Variants in BRD2 observed in about 807,000 individuals in gnomAD.
BRD2 encodes the protein bromodomain-containing protein 2.
BRD2 carries 15 observed loss-of-function variants against 79.1 expected under a neutral mutation model. That is an observed-to-expected ratio of 0.19 (90% CI 0.13 to 0.29). BRD2 has a LOEUF of 0.29. BRD2 is among the 10% of genes least tolerant of loss of function. The pLI, the probability that BRD2 is intolerant of heterozygous loss-of-function variation, is 1.00. For synonymous variants in BRD2, 488 were observed against 358.6 expected, an observed-to-expected ratio of 1.36 and a Z score of -4.08; for missense variants, 1,053 against 991.3, an observed-to-expected ratio of 1.06 and a Z score of -0.84.
Position 32,971,920 on chromosome 6 carries a change from G to A in BRD2, c.-979G>A, listed in dbSNP as rs1279599168. ...CAGCTCAGCCAATTGGCTTGGAGAT[G>A]TGGCGGGTTGCCACTTCCCTGTGGG... On this transcript the variant is annotated 5_prime_UTR_variant, in exon 2 of 13. In the 5' UTR this introduces an upstream ATG that the reference lacks. Coordinates refer to ENST00000374825, the MANE Select transcript of BRD2 (RefSeq NM_005104.4). 1.1e-5 allele frequency: 8 copies of A among 702,102 alleles called. No individual in the cohort carries two copies. Among genetic ancestry groups the A allele is most frequent in the Non-Finnish European group, 1.8e-5 (7 of 384,388 alleles). 43.5% of individuals were successfully genotyped at this position (702,102 alleles called of 1,614,324 possible).
intron 2 of BRD2, 42 bp downstream of exon 2, chr6:32,972,969 G>A (rs1300581096): frequency 1.9e-6 from 3 of 1,614,032 alleles, no homozygotes; most frequent in South Asian, 1.1e-5. Context: ...GATGTTGCAG[G>A]GCGGCGGCAC....
rs201642612 is a variant in BRD2 at position 32,972,895 on chromosome 6, C to G, written c.-4C>G. On this transcript the variant is annotated 5_prime_UTR_variant, in exon 2 of 13. Transcript: ENST00000374825. ...GAGGGCAGCGCCGGTTCCTTGCGGTCAAGATGCTGCAAAACGTGACTCCCC... is the reference window on the plus strand; with the variant it reads ...GAGGGCAGCGCCGGTTCCTTGCGGTGAAGATGCTGCAAAACGTGACTCCCC... 25 of 1,613,916 alleles carry G rather than the reference C, an allele frequency of 1.5e-5. No individual in the cohort carries two copies. The highest frequency in any genetic ancestry group is 2.0e-5 in the Non-Finnish European group (24 of 1,179,976).
chr6:32,971,004 CG>C (rs1159106593), intron 1 of BRD2: 14 of 76,720 alleles, frequency 1.8e-4, no homozygotes, highest in African/African-American at 6.1e-4. Context: ...GGTGGGGGGG[CG>C]GGGGGGTTCT....
chr6:32,973,969 C>G (rs1778375744), intron 2 of BRD2, among the ~76,000 whole-genome samples: 2 of 152,250 alleles, frequency 1.3e-5, no homozygotes, highest in African/African-American at 4.8e-5. Flanking sequence ...TCTCTTCTAT[C>G]TAGGTGGATT....
intron 11 of BRD2, 70 bp from the exon 12 acceptor site, chr6:32,980,272 G>C: frequency 1.3e-6 from 2 of 1,589,908 alleles, no homozygotes; most frequent in East Asian, 2.2e-5. Context: ...AGGGAACTTG[G>C]GAACCTTAGG....
At position 32,972,581 on chromosome 6, in the gene BRD2, G is replaced by C. The variant is rs1020398895; in HGVS notation, c.-318G>C. ...GGGAATCCCTGCAGACCAACAGCGG[G>C]CTATATTGACGACGGTGTCTGAGAT... On this transcript the variant is annotated 5_prime_UTR_variant, in exon 2 of 13. Coordinates refer to ENST00000374825, the MANE Select transcript of BRD2 (RefSeq NM_005104.4). The C allele has an allele frequency of 3.8e-6, 2 of 525,556 alleles. No homozygotes were observed. Among genetic ancestry groups the C allele is most frequent in the Non-Finnish European group, 6.8e-6 (2 of 294,258 alleles). 32.6% of individuals were successfully genotyped at this position (525,556 alleles called of 1,614,324 possible). A position where few individuals can be genotyped will look rare whatever the true frequency, so the allele number is the denominator to read the frequency against.
At position 32,971,491 on chromosome 6, in the gene BRD2, C is replaced by T. The variant is rs375220662; in HGVS notation, c.-1304-104C>T. On this transcript the variant is annotated intron_variant, in intron 1 of 12. Coordinates refer to ENST00000374825, the MANE Select transcript of BRD2 (RefSeq NM_005104.4). ...GGCAACACTGTTTTAGACTGTGGGG[C>T]ATGGGAACGTTAGATCCCCTCATCG... is the stretch of plus-strand genomic sequence containing the variant. The T allele has an allele frequency of 1.4e-4, 57 of 418,534 alleles. 1 individual carries two copies. Among genetic ancestry groups the T allele is most frequent in the East Asian group, 1.0e-3 (29 of 28,214 alleles). 25.9% of individuals were successfully genotyped at this position (418,534 alleles called of 1,614,324 possible).
intron 2 of BRD2, among the ~76,000 whole-genome samples, chr6:32,974,116 C>G (rs574194211): frequency 6.6e-5 from 10 of 152,188 alleles, no homozygotes; most frequent in Non-Finnish European, 1.3e-4. Flanking sequence ...TTTCTTAACT[C>G]CACCCATTTT....
At chr6:32,972,961 T>C (rs752823550) in intron 2 of BRD2, 34 bp downstream of exon 2, 3 of 1,613,910 alleles carry the variant, frequency 1.9e-6, no homozygotes, top group South Asian at 2.2e-5. Context: ...GGGAAGGGGA[T>C]GTTGCAGGGC....
chr6:32,980,569 AT>A lies in BRD2; in HGVS notation c.2270-10del. ...AGACTTGAACGTCTTTAACTTTCGA[AT>A]TTGTTCTGCAGCGAATGAGAAAACA... On this transcript the variant is annotated splice_polypyrimidine_tract_variant and intron_variant, in intron 12 of 12. Coordinates refer to ENST00000374825, the MANE Select transcript of BRD2 (RefSeq NM_005104.4). 6.2e-7 allele frequency: 1 copy of A among 1,613,028 alleles called. No homozygotes were observed. Among genetic ancestry groups the A allele is most frequent in the Non-Finnish European group, 8.5e-7 (1 of 1,179,984 alleles).
intron 2 of BRD2, among the ~76,000 whole-genome samples, chr6:32,974,220 T>C (rs1238464430): frequency 6.6e-6 from 1 of 152,166 alleles, no homozygotes; most frequent in Non-Finnish European, 1.5e-5. Context: ...AAAGAACAGA[T>C]AGAGCCTATC....
rs756621738 is a variant in BRD2, at chr6:32,976,231, CT to C, written c.611-13del. 9.3e-6 allele frequency: 15 copies of C among 1,610,958 alleles called. No individual in the cohort carries two copies. The highest frequency in any genetic ancestry group is 2.7e-5 in the African/African-American group (2 of 74,784). On this transcript the variant is annotated intron_variant, in intron 5 of 12. Transcript: ENST00000374825. ...AGATGGGGAAGAGAATCAAACTACA[CT>C]TTTTTCCTTTTTTCTAGCGCTCCAG...
chr6:32,972,893 G>A lies in BRD2; in HGVS notation c.-6G>A, dbSNP rs1203407259. ...CTGAGGGCAGCGCCGGTTCCTTGCG[G>A]TCAAGATGCTGCAAAACGTGACTCC... On this transcript the variant is annotated 5_prime_UTR_variant, in exon 2 of 13. Transcript: ENST00000374825. The A allele has an allele frequency of 6.2e-7, 1 of 1,613,954 alleles. No homozygotes were observed. The highest frequency in any genetic ancestry group is 2.2e-5 in the East Asian group (1 of 44,884).
chr6:32,972,715 A>C lies in BRD2; in HGVS notation c.-184A>C. The C allele has an allele frequency of 9.6e-6, 8 of 835,338 alleles. No individual in the cohort carries two copies. Among genetic ancestry groups the C allele is most frequent in the Non-Finnish European group, 1.5e-5 (8 of 537,912 alleles). The allele number at this position is 835,338 out of a possible 1,614,324, so 51.7% of individuals were successfully genotyped here. ...CTGCAGAGCGCGCCAAGCTGCCCGGAGCTCTCCGAGAGGCCCCAAAGAGAC... is the reference window on the plus strand; with the variant it reads ...CTGCAGAGCGCGCCAAGCTGCCCGGCGCTCTCCGAGAGGCCCCAAAGAGAC... On this transcript the variant is annotated 5_prime_UTR_variant, in exon 2 of 13. Transcript: ENST00000374825.
At position 32,968,743 on chromosome 6, in the gene BRD2, C is replaced by T; in HGVS notation, c.-1618C>T. The T allele has an allele frequency of 6.5e-6, 1 of 153,188 alleles. No homozygotes were observed. The highest frequency in any genetic ancestry group is 1.5e-5 in the Non-Finnish European group (1 of 68,682). 9.5% of individuals were successfully genotyped at this position (153,188 alleles called of 1,614,324 possible). On this transcript the variant is annotated 5_prime_UTR_variant, in exon 1 of 13. Transcript: ENST00000374825. Reference sequence around the variant, plus strand: ...TTTCGGGACATAGGCCTGGGCCATGCGGCCCCCTTGGCCCCTTGGCGCGAC... The same window carrying T: ...TTTCGGGACATAGGCCTGGGCCATGTGGCCCCCTTGGCCCCTTGGCGCGAC...
intron 7 of BRD2, 62 bp downstream of exon 7, chr6:32,976,998 A>G (rs748142561): frequency 4.6e-6 from 7 of 1,534,336 alleles, no homozygotes; most frequent in Admixed American, 2.0e-5. Flanking sequence ...GTGCAAAACA[A>G]TAAGTCTCCT....
chr6:32,972,772 C>A lies in BRD2; in HGVS notation c.-127C>A. 7.0e-7 allele frequency: 1 copy of A among 1,426,480 alleles called. No homozygotes were observed. The highest frequency in any genetic ancestry group is 9.8e-7 in the Non-Finnish European group (1 of 1,025,246). The allele number at this position is 1,426,480 out of a possible 1,614,324, so 88.4% of individuals were successfully genotyped here. On this transcript the variant is annotated 5_prime_UTR_variant, in exon 2 of 13. Transcript: ENST00000374825. Reference sequence around the variant, plus strand: ...CGTGCCGGCCAGGCAGGGGGTTTGTCGCCTGGAGGCCCAAGAGGAACGGCC... The same window carrying A: ...CGTGCCGGCCAGGCAGGGGGTTTGTAGCCTGGAGGCCCAAGAGGAACGGCC...
Position 32,980,942 on chromosome 6 carries a change from C to T in BRD2, c.*224C>T. 1 of 587,828 alleles carries T rather than the reference C, an allele frequency of 1.7e-6. No individual in the cohort carries two copies. The highest frequency in any genetic ancestry group is 3.0e-6 in the Non-Finnish European group (1 of 334,272). 36.4% of individuals were successfully genotyped at this position (587,828 alleles called of 1,614,324 possible). On this transcript the variant is annotated 3_prime_UTR_variant, in exon 13 of 13. Coordinates refer to ENST00000374825, the MANE Select transcript of BRD2 (RefSeq NM_005104.4). The stretch of plus-strand genomic sequence containing the variant: ...ATTCCCAGCCCCATTGGGGAGTGAT[C>T]TCTTGGACACAGAGCCCCCATTCAA...
At position 32,974,651 on chromosome 6, in the gene BRD2, A is replaced by G. The variant is rs968334632; in HGVS notation, c.219A>G (p.Gly73=). 1.9e-6 allele frequency: 3 copies of G among 1,614,252 alleles called. No homozygotes were observed. Among genetic ancestry groups the G allele is most frequent in the Non-Finnish European group, 2.5e-6 (3 of 1,180,050 alleles). ...AGGTGTCCAATCCCAAAAAGCCAGG[A>G]CGAGTTACCAACCAGCTGCAATACC... ...PPEVSNPKKP[G]RVTNQLQYLH... Residue 73 remains glycine (G), a synonymous_variant, in exon 3 of 13, where the codon GGA becomes GGG. Coordinates refer to ENST00000374825, the MANE Select transcript of BRD2 (RefSeq NM_005104.4).
Sources: gnomAD v4.1 joint callset for allele counts (sites outside exome capture counted in the v4.1 genomes callset) on GRCh38, gnomAD v4.1.1 for gene constraint, MANE v1.5 for transcripts, NCBI Gene and HGNC (gene_info 2026-07-23, HGNC 2026-07-21) for gene names.